ENPP6: variants seen among roughly 807,000 people sequenced by gnomAD.
The protein encoded by ENPP6 is ectonucleotide pyrophosphatase/phosphodiesterase 6.
Under a neutral mutation model 42.0 loss-of-function variants are expected in ENPP6, and 32 were observed. The ratio of observed to expected loss-of-function variants is 0.76; its 90% CI spans 0.58 to 1.02. The LOEUF is 1.02. Ranked by LOEUF, ENPP6 falls within the 50% of genes least tolerant of loss-of-function variation. The probability of loss-of-function intolerance (pLI) is 0.00; values close to 1 mark genes in which losing one functional copy is unlikely to be tolerated. For missense variants in ENPP6, 552 were observed against 566.8 expected, an observed-to-expected ratio of 0.97 and a Z score of 0.27; for synonymous variants, 213 against 216.0, an observed-to-expected ratio of 0.99 and a Z score of 0.12.
chr4:184,209,095 T>C (rs1733064384), intron 1 of ENPP6, among the ~76,000 whole-genome samples: 1 of 149,608 alleles, frequency 6.7e-6, no homozygotes, highest in Non-Finnish European at 1.5e-5. Flanking sequence ...TACATCACCG[T>C]CATCAAAGAC....
intron 1 of ENPP6, among the ~76,000 whole-genome samples, chr4:184,172,733 G>A (rs2111093722): frequency 1.3e-5 from 2 of 152,302 alleles, no homozygotes; most frequent in Middle Eastern, 6.8e-3. Flanking sequence ...AGGGTTTGAT[G>A]TAGTCAAAAT....
chr4:184,167,825 A>G (rs112974782), intron 1 of ENPP6, among the ~76,000 whole-genome samples: 4 of 152,290 alleles, frequency 2.6e-5, no homozygotes, highest in Admixed American at 6.5e-5. Flanking sequence ...GGTGATCTGC[A>G]TATCAACAGA....
rs758019764 is a variant in ENPP6 at position 184,209,000 on chromosome 4, T to C, written c.241+8579A>G. On this transcript the variant is annotated intron_variant, in intron 1 of 7. Transcript: ENST00000296741. ...CACTGACACCTCACACGGCAGGGTA[T>C]TCCAACAGACCTGCAGCTGAGGGTC... is the stretch of plus-strand genomic sequence containing the variant. Among the ~76,000 whole-genome samples, 828 of 141,394 alleles carry C rather than the reference T, an allele frequency of 5.9e-3. 13 individuals are homozygous for C. Among genetic ancestry groups the C allele is most frequent in the African/African-American group, 0.019 (719 of 37,230 alleles). 92.8% of individuals were successfully genotyped at this position (141,394 alleles called of 152,430 possible). A position where few individuals can be genotyped will look rare whatever the true frequency, so the allele number is the denominator to read the frequency against.
Position 184,153,689 on chromosome 4 carries a change from C to A in ENPP6, c.286G>T (p.Asp96Tyr). 6.2e-7 allele frequency: 1 copy of A among 1,614,118 alleles called. No individual in the cohort carries two copies. The highest frequency in any genetic ancestry group is 8.5e-7 in the Non-Finnish European group (1 of 1,180,022). Residue 96 changes from aspartate to tyrosine, a missense_variant, in exon 2 of 8, where the codon GAC becomes TAC. Asp to Tyr is a radical substitution (Grantham distance 160). Coordinates refer to ENST00000296741, the MANE Select transcript of ENPP6 (RefSeq NM_153343.4). The stretch of plus-strand genomic sequence containing the variant: ...TCAAAGGACTTGTTGGTGGTGGGGT[C>A]CCACATGTAGTTCCCGATCATCTGA... ...VHQMIGNYMWDPTTNKSFDIG... is the reference protein window; with the variant it reads ...VHQMIGNYMWYPTTNKSFDIG...
chr4:184,169,405 C>G (rs540780726), intron 1 of ENPP6, among the ~76,000 whole-genome samples: 1 of 152,122 alleles, frequency 6.6e-6, no homozygotes, highest in Non-Finnish European at 1.5e-5. Context: ...CAGCCAGGGC[C>G]GCGGGGAGGG....
intron 2 of ENPP6, among the ~76,000 whole-genome samples, chr4:184,129,632 A>G (rs1023523712): frequency 1.3e-5 from 2 of 152,252 alleles, no homozygotes; most frequent in African/African-American, 2.4e-5. Flanking sequence ...AAAGTTGTAT[A>G]TACAAGCATC....
At chr4:184,162,544 G>A (rs2111085107) in intron 1 of ENPP6, among the ~76,000 whole-genome samples, 1 of 86,662 alleles carries the variant, frequency 1.2e-5, no homozygotes, top group South Asian at 5.3e-4. Context: ...AGGGAGGGAG[G>A]GAAGAAGGAA....
chr4:184,200,447 C>T (rs188869196), intron 1 of ENPP6, among the ~76,000 whole-genome samples: 2 of 152,344 alleles, frequency 1.3e-5, no homozygotes, highest in African/African-American at 2.4e-5. Flanking sequence ...AATTGGCTAT[C>T]GAGTCACTGT....
intron 2 of ENPP6, among the ~76,000 whole-genome samples, chr4:184,151,350 G>T (rs1737022238): frequency 6.6e-6 from 1 of 152,124 alleles, no homozygotes; most frequent in Non-Finnish European, 1.5e-5. Context: ...AACAAAAGGA[G>T]ATAAAGCACA....
chr4:184,135,080 C>A (rs764860012), intron 2 of ENPP6, among the ~76,000 whole-genome samples: 25 of 151,900 alleles, frequency 1.6e-4, no homozygotes, highest in Admixed American at 6.6e-5. Context: ...TGATTTCAGA[C>A]CTTTTCAATT....
chr4:184,158,997 G>A (rs1355634367), intron 1 of ENPP6, among the ~76,000 whole-genome samples: 3 of 152,110 alleles, frequency 2.0e-5, no homozygotes, highest in Non-Finnish European at 4.4e-5. Context: ...AGTACAGTAA[G>A]AGTTTCTGCC....
At chr4:184,147,362 A>G (rs114112631) in intron 2 of ENPP6, among the ~76,000 whole-genome samples, 80 of 152,152 alleles carry the variant, frequency 5.3e-4, no homozygotes, top group African/African-American at 1.9e-3. Context: ...GCCCTCATTC[A>G]CCCACCCTGG....
chr4:184,141,114 A>G (rs960157519), intron 2 of ENPP6, among the ~76,000 whole-genome samples: 3 of 152,152 alleles, frequency 2.0e-5, no homozygotes, highest in African/African-American at 7.2e-5. Flanking sequence ...AAGACATTTA[A>G]CCGAGGTGAA....
intron 6 of ENPP6, among the ~76,000 whole-genome samples, chr4:184,108,227 A>G (rs1433906625): frequency 1.3e-5 from 2 of 152,214 alleles, no homozygotes; most frequent in Non-Finnish European, 2.9e-5. Context: ...TGGCTAAACC[A>G]GAAACCAGTC....
At position 184,124,071 on chromosome 4, in the gene ENPP6, T is replaced by G. The variant is rs2111351881; in HGVS notation, c.533+90A>C. 4.1e-6 allele frequency: 4 copies of G among 984,124 alleles called. No homozygotes were observed. In the African/African-American group the frequency reaches 6.5e-5, roughly 16 times the overall value. The allele number at this position is 984,124 out of a possible 1,614,324, so 61.0% of individuals were successfully genotyped here. ...ACCAACTCTCTGACATTATTTCATC[T>G]CCACAAAGCCCTCTTAATTCACTTT... is the stretch of plus-strand genomic sequence containing the variant. On this transcript the variant is annotated intron_variant, in intron 3 of 7. Coordinates refer to ENST00000296741, the MANE Select transcript of ENPP6 (RefSeq NM_153343.4).
intron 1 of ENPP6, among the ~76,000 whole-genome samples, chr4:184,197,693 G>A (rs1732826159): frequency 6.6e-6 from 1 of 152,224 alleles, no homozygotes; most frequent in African/African-American, 2.4e-5. Context: ...TTTGGATTGG[G>A]ATGTAGTGGA....
intron 1 of ENPP6, among the ~76,000 whole-genome samples, chr4:184,179,017 A>G (rs1469059942): frequency 6.6e-6 from 1 of 152,238 alleles, no homozygotes; most frequent in Admixed American, 6.5e-5. Flanking sequence ...TCAAATTCAC[A>G]CATAACAATA....
intron 1 of ENPP6, among the ~76,000 whole-genome samples, chr4:184,180,586 A>T (rs541837209): frequency 6.6e-6 from 1 of 152,330 alleles, no homozygotes; most frequent in South Asian, 2.1e-4. Context: ...AATATCCCTC[A>T]TGAACATAGA....
intron 1 of ENPP6, among the ~76,000 whole-genome samples, chr4:184,171,534 T>G (rs903914277): frequency 2.6e-5 from 4 of 152,248 alleles, no homozygotes; most frequent in African/African-American, 4.8e-5. Flanking sequence ...TTACGGCAGC[T>G]TTCTTGGAAA....
Sources: allele counts gnomAD v4.1 joint callset (sites outside exome capture counted in the v4.1 genomes callset), GRCh38; gene constraint gnomAD v4.1.1; transcripts MANE v1.5; gene names NCBI Gene and HGNC (gene_info 2026-07-23, HGNC 2026-07-21).